Variants in ZC3H12B observed in about 807,000 individuals in gnomAD.
ZC3H12B encodes zinc finger CCCH-type containing 12B, also known as probable ribonuclease ZC3H12B.
In ZC3H12B, 7 loss-of-function variants were observed where a neutral mutation model predicts 43.9. That is an observed-to-expected ratio of 0.16 (90% CI 0.09 to 0.30). The LOEUF (loss-of-function observed/expected upper bound fraction) is 0.30. Ranked by LOEUF, ZC3H12B falls within the 10% of genes least tolerant of loss-of-function variation. ZC3H12B has a pLI of 1.00. For missense variants in ZC3H12B, 475 were observed against 670.2 expected (o/e 0.71, Z 3.22); for synonymous variants, 222 against 241.7 (o/e 0.92, Z 0.76).
In ZC3H12B at chrX:65,392,616, C is replaced by A. The variant is rs563424628; in HGVS notation, n.296-5977C>A. Among the ~76,000 whole-genome samples, 25 of 111,073 alleles carry A rather than the reference C, an allele frequency of 2.3e-4. No individual in the cohort carries two copies. The South Asian group carries it at 9.6e-3, about 42-fold the overall frequency. On this transcript the variant is annotated intron_variant and non_coding_transcript_variant, in intron 2 of 5. Coordinates refer to the ZC3H12B transcript ENST00000617377. ...GGGTGGTGCCCCCGCCCAGCAGCCGCCCCGTCTGGGAGGTGGGGGGCGCCT... is the reference window on the plus strand; with the variant it reads ...GGGTGGTGCCCCCGCCCAGCAGCCGACCCGTCTGGGAGGTGGGGGGCGCCT...
the ZC3H12B span, among the ~76,000 whole-genome samples, chrX:65,206,621 G>A: frequency 9.6e-6 from 1 of 103,882 alleles, no homozygotes; most frequent in Non-Finnish European, 1.9e-5. Flanking sequence ...TCATGACCAA[G>A]AACCCAAAAT....
the ZC3H12B span, among the ~76,000 whole-genome samples, chrX:65,166,765 T>C: frequency 1.8e-5 from 2 of 112,139 alleles, no homozygotes; most frequent in Non-Finnish European, 3.8e-5. Context: ...TATCTCATTG[T>C]GGTTTTGATT....
chrX:65,475,441 T>G lies in ZC3H12B; in HGVS notation n.408-13205T>G, dbSNP rs984645858. 4.6e-5 allele frequency among the ~76,000 whole-genome samples: 5 copies of G among 109,052 alleles called. No individual in the cohort carries two copies. The Admixed American group carries it at 4.9e-4, about 11-fold the overall frequency. The allele number at this position is 109,052 out of a possible 115,157, so 94.7% of individuals were successfully genotyped here. On this transcript the variant is annotated intron_variant and non_coding_transcript_variant, in intron 3 of 5. Transcript: ENST00000617377. ...GGATATAGTATTCTTTGATGGCAGT[T>G]TTTTTTTTTTCTTTCAGGACTTTGA...
the ZC3H12B span, among the ~76,000 whole-genome samples, chrX:65,259,857 G>A: frequency 1.8e-5 from 2 of 111,829 alleles, no homozygotes; most frequent in Middle Eastern, 4.6e-3. Flanking sequence ...AAAAGAAAAT[G>A]TGGTATATAT....
the ZC3H12B span, among the ~76,000 whole-genome samples, chrX:65,201,973 T>G: frequency 2.0e-5 from 2 of 101,314 alleles, no homozygotes; most frequent in Non-Finnish European, 3.9e-5. Flanking sequence ...ATTGCAAGTT[T>G]CCTGAGGCCT....
chrX:65,276,423 G>T, the ZC3H12B span, among the ~76,000 whole-genome samples: 1 of 111,009 alleles, frequency 9.0e-6, no homozygotes, highest in Non-Finnish European at 1.9e-5. Context: ...TAAAGAAAAA[G>T]AAAGAATTAT....
At chrX:65,481,290 A>T (rs980946885) in intron 3 of ZC3H12B, among the ~76,000 whole-genome samples, 14 of 111,686 alleles carry the variant, frequency 1.3e-4, no homozygotes, top group African/African-American at 4.2e-4. Flanking sequence ...TTTATAAACA[A>T]CCTTACGAGA....
chrX:65,328,300 C>G, the ZC3H12B span: 2 of 250,979 alleles, frequency 8.0e-6, no homozygotes, highest in Non-Finnish European at 1.6e-5. Flanking sequence ...TCTTTTATCC[C>G]TGGCATAACT....
chrX:65,092,466 G>A, the ZC3H12B span, among the ~76,000 whole-genome samples: 9 of 111,726 alleles, frequency 8.1e-5, no homozygotes, highest in Non-Finnish European at 1.3e-4. Context: ...TTAAATGGTT[G>A]TATTCACAAT....
chrX:65,434,299 C>G (rs2067195737), intron 3 of ZC3H12B, among the ~76,000 whole-genome samples: 1 of 112,074 alleles, frequency 8.9e-6, no homozygotes, highest in African/African-American at 3.2e-5. Context: ...TCTGGACCCT[C>G]CCAGTATAAA....
At chrX:65,116,708 T>A in the ZC3H12B span, among the ~76,000 whole-genome samples, 1 of 110,066 alleles carries the variant, frequency 9.1e-6, no homozygotes, top group Non-Finnish European at 1.9e-5. Context: ...AATGCTATCC[T>A]TCCCCCCTCC....
chrX:65,251,020 T>A, the ZC3H12B span, among the ~76,000 whole-genome samples: 2 of 112,294 alleles, frequency 1.8e-5, no homozygotes, highest in Non-Finnish European at 3.8e-5. Context: ...CCTATGCCGA[T>A]GTCCTGAATG....
chrX:65,501,894 C>A, exon 5 of ZC3H12B: 1 of 1,209,655 alleles, frequency 8.3e-7, no homozygotes, highest in Non-Finnish European at 1.1e-6. Flanking sequence ...GCCAAACTGT[C>A]CACAGTGAAA....
chrX:65,490,299 C>G (rs1277959741), intron 1 of ZC3H12B, among the ~76,000 whole-genome samples: 1 of 95,227 alleles, frequency 1.1e-5, no homozygotes, highest in African/African-American at 4.1e-5. Flanking sequence ...ATGGCAGAAA[C>G]AAGAAGATGG....
the ZC3H12B span, among the ~76,000 whole-genome samples, chrX:65,166,544 C>T: frequency 8.9e-6 from 1 of 111,795 alleles, no homozygotes; most frequent in Admixed American, 9.5e-5. Context: ...ATTTATAATC[C>T]TTTCAGTATA....
the ZC3H12B span, among the ~76,000 whole-genome samples, chrX:65,222,485 T>C: frequency 9.1e-6 from 1 of 110,101 alleles, no homozygotes; most frequent in South Asian, 3.8e-4. Context: ...GATAAATGAA[T>C]TCAGCAAAGT....
At chrX:65,109,031 T>A in the ZC3H12B span, among the ~76,000 whole-genome samples, 1 of 111,566 alleles carries the variant, frequency 9.0e-6, no homozygotes, top group Non-Finnish European at 1.9e-5. Context: ...AACGTCCAGT[T>A]TTACCATGGT....
chrX:65,314,368 C>A, the ZC3H12B span, among the ~76,000 whole-genome samples: 4 of 111,109 alleles, frequency 3.6e-5, no homozygotes, highest in African/African-American at 1.3e-4. Context: ...GAAAATGCTG[C>A]AAAATCAAAG....
At chrX:65,266,600 G>A in the ZC3H12B span, among the ~76,000 whole-genome samples, 1 of 111,920 alleles carries the variant, frequency 8.9e-6, no homozygotes, top group Admixed American at 9.5e-5. Context: ...GCTATGGAAT[G>A]TTGAATTGCT....
Sources: allele counts gnomAD v4.1 joint callset (sites outside exome capture counted in the v4.1 genomes callset), GRCh38; gene constraint gnomAD v4.1.1; transcripts MANE v1.5; gene names NCBI Gene and HGNC (gene_info 2026-07-23, HGNC 2026-07-21).